Variants in RARB observed in about 807,000 individuals in gnomAD.
RARB encodes HBV-activated protein.
RARB carries 17 observed loss-of-function variants against 51.9 expected under a neutral mutation model. The ratio of observed to expected loss-of-function variants is 0.33; its 90% CI spans 0.22 to 0.49. The LOEUF is 0.49. RARB is among the 20% of genes least tolerant of loss of function. The pLI, the probability that RARB is intolerant of heterozygous loss-of-function variation, is 0.99. For synonymous variants in RARB, 215 were observed against 195.4 expected (o/e 1.10, Z -0.84); for missense variants, 369 against 550.8 (o/e 0.67, Z 3.30).
At chr3:25,285,119 A>G (rs981730225) in intron 5 of RARB, among the ~76,000 whole-genome samples, 1 of 152,230 alleles carries the variant, frequency 6.6e-6, no homozygotes, top group African/African-American at 2.4e-5. Context: ...AGCTGAGAGC[A>G]TCATTACCTC....
chr3:25,472,045 C>T (rs913039666), intron 2 of RARB, among the ~76,000 whole-genome samples: 5 of 152,200 alleles, frequency 3.3e-5, no homozygotes, highest in African/African-American at 4.8e-5. Context: ...AATAATAAAA[C>T]TGTCTTATAT....
At position 25,288,428 on chromosome 3, in the gene RARB, G is replaced by A. The variant is rs181833290; in HGVS notation, c.178+113853G>A. On this transcript the variant is annotated intron_variant, in intron 5 of 11. Transcript: ENST00000383772. ...GATTTTTGCAGCTAATTGAAGCAAA[G>A]GGGACACAGTCAATGTGCTGTTTTC... Among the ~76,000 whole-genome samples, 342 of 152,284 alleles carry A rather than the reference G, an allele frequency of 2.2e-3. 1 individual carries two copies. Among genetic ancestry groups the A allele is most frequent in the Middle Eastern group, 6.8e-3 (2 of 294 alleles).
intron 5 of RARB, among the ~76,000 whole-genome samples, chr3:25,176,221 C>T (rs1010506667): frequency 1.3e-5 from 2 of 152,014 alleles, no homozygotes; most frequent in African/African-American, 4.8e-5. Flanking sequence ...AGCCTGAAAC[C>T]TCTAGGTTCC....
intron 5 of RARB, among the ~76,000 whole-genome samples, chr3:25,186,430 C>T (rs1259616411): frequency 6.6e-6 from 1 of 152,024 alleles, no homozygotes; most frequent in Non-Finnish European, 1.5e-5. Flanking sequence ...TTCAACCAAA[C>T]AATTTTACCT....
intron 3 of RARB, among the ~76,000 whole-genome samples, chr3:25,078,334 TCA>T (rs1182312130): frequency 6.6e-6 from 1 of 152,184 alleles, no homozygotes; most frequent in African/African-American, 2.4e-5. Context: ...TTATTAATAC[TCA>T]GTTTTTGCAA....
chr3:24,898,820 G>A (rs1703535306), intron 2 of RARB, among the ~76,000 whole-genome samples: 1 of 152,058 alleles, frequency 6.6e-6, no homozygotes, highest in South Asian at 2.1e-4. Flanking sequence ...GCGAAATATG[G>A]CTGCTTCTCC....
chr3:25,208,022 G>T (rs73147383), intron 5 of RARB, among the ~76,000 whole-genome samples: 2 of 149,942 alleles, frequency 1.3e-5, no homozygotes, highest in Admixed American at 6.8e-5. Flanking sequence ...GAGAGGGCAA[G>T]GGGGGGAGCA....
At chr3:24,846,570 G>A (rs1702488448) in intron 1 of RARB, among the ~76,000 whole-genome samples, 1 of 152,162 alleles carries the variant, frequency 6.6e-6, no homozygotes, top group Non-Finnish European at 1.5e-5. Flanking sequence ...TATGAGGTAT[G>A]GCCAACAAAT....
chr3:25,591,231 G>C (rs1349744495), intron 5 of RARB, among the ~76,000 whole-genome samples: 2 of 152,162 alleles, frequency 1.3e-5, no homozygotes, highest in African/African-American at 4.8e-5. Flanking sequence ...TCATATAGTA[G>C]GAACATTAAG....
intron 5 of RARB, among the ~76,000 whole-genome samples, chr3:25,256,454 A>G (rs1702867179): frequency 6.6e-6 from 1 of 152,276 alleles, no homozygotes; most frequent in East Asian, 1.9e-4. Context: ...AACATATATA[A>G]GCATTAAGAA....
At chr3:25,120,903 G>A (rs1352093389) in intron 3 of RARB, among the ~76,000 whole-genome samples, 1 of 152,112 alleles carries the variant, frequency 6.6e-6, no homozygotes, top group Non-Finnish European at 1.5e-5. Flanking sequence ...ACTTTCCCAT[G>A]GCAGAGTCAG....
chr3:25,125,592 C>T (rs1263635858), intron 3 of RARB, among the ~76,000 whole-genome samples: 3 of 152,084 alleles, frequency 2.0e-5, no homozygotes, highest in African/African-American at 7.2e-5. Context: ...TATTTAAAAA[C>T]AAGGGGAAAG....
chr3:25,276,485 C>A (rs1266970907), intron 5 of RARB, among the ~76,000 whole-genome samples: 1 of 151,996 alleles, frequency 6.6e-6, no homozygotes, highest in Non-Finnish European at 1.5e-5. Context: ...CATAGGAAAC[C>A]AAAATGAAGC....
At chr3:25,286,176 T>C (rs1004157420) in intron 5 of RARB, among the ~76,000 whole-genome samples, 3 of 124,458 alleles carry the variant, frequency 2.4e-5, no homozygotes, top group East Asian at 2.6e-4. Flanking sequence ...GCAAGCTCCA[T>C]CTCCCGGGTT....
At chr3:25,365,778 C>A (rs1004290246) in intron 5 of RARB, among the ~76,000 whole-genome samples, 1 of 152,166 alleles carries the variant, frequency 6.6e-6, no homozygotes, top group Non-Finnish European at 1.5e-5. Flanking sequence ...ACCATGGAGA[C>A]CTCAGGGTAA....
rs576011287 is a variant in RARB at position 25,578,536 on chromosome 3, C to A, written c.610-2010C>A. On this transcript the variant is annotated intron_variant, in intron 4 of 7. Transcript: ENST00000330688. ...ATTTCCCTCCATAAGCTTGACTCTC[C>A]GTCCCTCTCTTCCGTGTCATCTTCC... is the stretch of plus-strand genomic sequence containing the variant. 6.6e-4 allele frequency among the ~76,000 whole-genome samples: 100 copies of A among 152,278 alleles called. 1 individual carries two copies. Among genetic ancestry groups the A allele is most frequent in the African/African-American group, 2.4e-3 (98 of 41,560 alleles).
intron 3 of RARB, among the ~76,000 whole-genome samples, chr3:25,088,253 C>G (rs954576779): frequency 6.6e-6 from 1 of 152,090 alleles, no homozygotes; most frequent in South Asian, 2.1e-4. Context: ...AATCCTCCAG[C>G]GACTTGATAC....
rs1553621445 is a variant in RARB at position 24,994,313 on chromosome 3, A to ATTTT, written c.-379-65811_-379-65810insTTTT. Among the ~76,000 whole-genome samples, 15 of 151,794 alleles carry ATTTT rather than the reference A, an allele frequency of 9.9e-5. No homozygotes were observed. The South Asian group carries it at 3.1e-3, about 32-fold the overall frequency. ...ATCACTTGTTTGACTTATTTGAGAA[A>ATTTT]TGTTCGGATTACGTGCCTATTTTTA... On this transcript the variant is annotated intron_variant, in intron 2 of 11. Coordinates refer to the RARB transcript ENST00000383772.
chr3:25,079,597 G>A (rs1010523303), intron 3 of RARB, among the ~76,000 whole-genome samples: 3 of 152,154 alleles, frequency 2.0e-5, no homozygotes, highest in Admixed American at 6.5e-5. Context: ...ATCATAATAT[G>A]TGCATTGAAT....
Sources: allele counts gnomAD v4.1 joint callset (sites outside exome capture counted in the v4.1 genomes callset), GRCh38; gene constraint gnomAD v4.1.1; transcripts MANE v1.5; gene names NCBI Gene and HGNC (gene_info 2026-07-23, HGNC 2026-07-21).